The following MARCHF4 variants were observed in gnomAD, a reference collection of about 807,000 sequenced individuals.
MARCHF4 encodes the protein E3 ubiquitin-protein ligase MARCHF4.
A neutral mutation model predicts 43.9 loss-of-function variants in MARCHF4; 14 were observed. The ratio of observed to expected loss-of-function variants is 0.32; its 90% CI spans 0.21 to 0.50. The LOEUF (loss-of-function observed/expected upper bound fraction) is 0.50, where lower values mean the gene tolerates loss of function less well. MARCHF4 is among the 20% of genes least tolerant of loss of function. The pLI is 0.98. For synonymous variants in MARCHF4, 226 were observed against 213.3 expected (o/e 1.06, Z -0.52); for missense variants, 468 against 536.7 (o/e 0.87, Z 1.27).
intron 1 of MARCHF4, among the ~76,000 whole-genome samples, chr2:216,306,766 A>C (rs1691593188): frequency 6.6e-6 from 1 of 152,284 alleles, no homozygotes; most frequent in South Asian, 2.1e-4. Context: ...AAATGAGGTC[A>C]CTTGCCCAAT....
chr2:216,273,682 C>T (rs924976548), intron 3 of MARCHF4, among the ~76,000 whole-genome samples: 2 of 152,190 alleles, frequency 1.3e-5, no homozygotes, highest in Admixed American at 6.5e-5. Flanking sequence ...GCAAACTAAC[C>T]TATCAGGTTT....
chr2:216,357,191 G>A (rs1321585993), intron 1 of MARCHF4, among the ~76,000 whole-genome samples: 1 of 152,038 alleles, frequency 6.6e-6, no homozygotes, highest in Non-Finnish European at 1.5e-5. Context: ...ATTTCACCAA[G>A]GGTCCCACTA....
chr2:216,297,429 C>T (rs950228571), intron 1 of MARCHF4, among the ~76,000 whole-genome samples: 3 of 152,168 alleles, frequency 2.0e-5, no homozygotes, highest in Non-Finnish European at 4.4e-5. Flanking sequence ...CACACCTCTG[C>T]ACTCAGGGAT....
At chr2:216,334,823 G>T (rs1692134656) in intron 1 of MARCHF4, among the ~76,000 whole-genome samples, 1 of 152,210 alleles carries the variant, frequency 6.6e-6, no homozygotes, top group South Asian at 2.1e-4. Context: ...TATCAGAAAA[G>T]AATTCACTAA....
At chr2:216,365,332 C>T (rs1176829829) in intron 1 of MARCHF4, among the ~76,000 whole-genome samples, 3 of 152,230 alleles carry the variant, frequency 2.0e-5, no homozygotes, top group Non-Finnish European at 4.4e-5. Context: ...GCCTGCTAAA[C>T]TTTTCCAGAT....
intron 1 of MARCHF4, among the ~76,000 whole-genome samples, chr2:216,354,871 T>C (rs564593505): frequency 1.3e-5 from 2 of 151,764 alleles, no homozygotes; most frequent in South Asian, 4.2e-4. Flanking sequence ...TGCCTGTTCA[T>C]GAAACTTATT....
At chr2:216,315,702 C>A (rs966518871) in intron 1 of MARCHF4, among the ~76,000 whole-genome samples, 4 of 152,176 alleles carry the variant, frequency 2.6e-5, no homozygotes, top group Non-Finnish European at 4.4e-5. Flanking sequence ...ATAGAAATGT[C>A]CGTAAAATGT....
At chr2:216,332,906 T>C (rs1574480275) in intron 1 of MARCHF4, among the ~76,000 whole-genome samples, 1 of 152,118 alleles carries the variant, frequency 6.6e-6, no homozygotes. Flanking sequence ...AATGGTAGGG[T>C]GGTGAGGGAA....
At chr2:216,318,837 A>T (rs2105961553) in intron 1 of MARCHF4, among the ~76,000 whole-genome samples, 1 of 152,328 alleles carries the variant, frequency 6.6e-6, no homozygotes, top group East Asian at 1.9e-4. Flanking sequence ...AGAAAAAATC[A>T]TCAAAGCTAC....
chr2:216,337,796 G>A (rs1692180282), intron 1 of MARCHF4, among the ~76,000 whole-genome samples: 1 of 152,102 alleles, frequency 6.6e-6, no homozygotes, highest in African/African-American at 2.4e-5. Flanking sequence ...AGCATTGCTT[G>A]GAGACTGTTT....
chr2:216,258,729 A>T lies in MARCHF4; in HGVS notation c.*583T>A, dbSNP rs1356151178. The T allele has an allele frequency of 6.6e-6, 1 of 152,618 alleles. No individual in the cohort carries two copies. Among genetic ancestry groups the T allele is most frequent in the African/African-American group, 2.4e-5 (1 of 41,380 alleles). 9.5% of individuals were successfully genotyped at this position (152,618 alleles called of 1,614,324 possible). A position where few individuals can be genotyped will look rare whatever the true frequency, so the allele number is the denominator to read the frequency against. On this transcript the variant is annotated 3_prime_UTR_variant, in exon 4 of 4. Transcript: ENST00000273067. The stretch of plus-strand genomic sequence containing the variant: ...CACACCAGCATATCCCTCCCTGAGC[A>T]TCCCTCCCTGACCATCCACCCCACC...
At chr2:216,338,331 T>C (rs72944638) in intron 1 of MARCHF4, among the ~76,000 whole-genome samples, 213 of 152,278 alleles carry the variant, frequency 1.4e-3, no homozygotes, top group Non-Finnish European at 2.4e-3. Context: ...CTAGACACCA[T>C]TGCCAACTGG....
chr2:216,356,536 T>C lies in MARCHF4; in HGVS notation c.516+13209A>G, dbSNP rs543997020. On this transcript the variant is annotated intron_variant, in intron 1 of 3. Coordinates refer to ENST00000273067, the MANE Select transcript of MARCHF4 (RefSeq NM_020814.3). The stretch of plus-strand genomic sequence containing the variant: ...ACTGAAGTTCGGAGGATTTAATTGA[T>C]TTGCCTAAAGCCACACAGCTAGTAA... 1.1e-3 allele frequency among the ~76,000 whole-genome samples: 163 copies of C among 152,334 alleles called. 8 individuals are homozygous for C. In the South Asian group the frequency reaches 0.033, roughly 31 times the overall value.
intron 1 of MARCHF4, among the ~76,000 whole-genome samples, chr2:216,324,665 G>A (rs1214085324): frequency 6.4e-4 from 96 of 149,536 alleles, no homozygotes; most frequent in African/African-American, 2.2e-3. Context: ...TTCAATATAT[G>A]CAAATCAATA....
chr2:216,333,493 T>C (rs1316681158), intron 1 of MARCHF4, among the ~76,000 whole-genome samples: 1 of 152,242 alleles, frequency 6.6e-6, no homozygotes, highest in Non-Finnish European at 1.5e-5. Flanking sequence ...AATACCATTG[T>C]TGCAGAAGCT....
chr2:216,355,117 A>G (rs1216657526), intron 1 of MARCHF4, among the ~76,000 whole-genome samples: 1 of 151,886 alleles, frequency 6.6e-6, no homozygotes, highest in Non-Finnish European at 1.5e-5. Flanking sequence ...GATTACAGGC[A>G]TGTGCCACCA....
chr2:216,334,423 T>TG (rs1386178116), intron 1 of MARCHF4, among the ~76,000 whole-genome samples: 5 of 151,960 alleles, frequency 3.3e-5, no homozygotes, highest in Non-Finnish European at 7.4e-5. Context: ...CTTTTTTTTT[T>TG]GGGGTCTTGC....
intron 1 of MARCHF4, among the ~76,000 whole-genome samples, chr2:216,350,367 C>A (rs539657810): frequency 6.9e-6 from 1 of 143,998 alleles, no homozygotes; most frequent in South Asian, 2.4e-4. Flanking sequence ...ACGCCACACT[C>A]CCTCACTATG....
At chr2:216,287,509 T>C (rs1341731415) in intron 1 of MARCHF4, among the ~76,000 whole-genome samples, 1 of 151,522 alleles carries the variant, frequency 6.6e-6, no homozygotes, top group East Asian at 1.9e-4. Flanking sequence ...AAAAATGGGA[T>C]CTTCTCTAAT....
Sources: gnomAD v4.1 joint callset for allele counts (sites outside exome capture counted in the v4.1 genomes callset) on GRCh38, gnomAD v4.1.1 for gene constraint, MANE v1.5 for transcripts, NCBI Gene and HGNC (gene_info 2026-07-23, HGNC 2026-07-21) for gene names.